Variants in MYO5A observed in about 807,000 individuals in gnomAD.
The protein encoded by MYO5A is unconventional myosin-Va.
MYO5A carries 98 observed loss-of-function variants against 249.7 expected under a neutral mutation model. That is an observed-to-expected ratio of 0.39 (90% CI 0.33 to 0.46). MYO5A has a LOEUF of 0.46. Ranked by LOEUF, MYO5A falls within the 20% of genes least tolerant of loss-of-function variation. MYO5A has a pLI of 0.98. For synonymous variants in MYO5A, 778 were observed against 810.6 expected (o/e 0.96, Z 0.68); for missense variants, 1,696 against 2,308.8 (o/e 0.73, Z 5.44).
At chr15:52,361,690 C>T (rs2040535553) in intron 24 of MYO5A, among the ~76,000 whole-genome samples, 1 of 152,228 alleles carries the variant, frequency 6.6e-6, no homozygotes, top group South Asian at 2.1e-4. Flanking sequence ...TTAACTTCTG[C>T]TGCTGTGATT....
At position 52,461,990 on chromosome 15, in the gene MYO5A, G is replaced by A. The variant is rs139243584; in HGVS notation, c.28-28705C>T. 2.1e-3 allele frequency among the ~76,000 whole-genome samples: 313 copies of A among 150,316 alleles called. 2 individuals are homozygous for A. The highest frequency in any genetic ancestry group is 7.3e-3 in the African/African-American group (300 of 40,820). On this transcript the variant is annotated intron_variant, in intron 1 of 41. Coordinates refer to ENST00000399233, the MANE Select transcript of MYO5A (RefSeq NM_001382347.1). Reference sequence around the variant, plus strand: ...AAAAAAAAAAAAGTTTGGGCCAGGCGCAGTGGCTCATGCCTGTAATCCCAG... The same window carrying A: ...AAAAAAAAAAAAGTTTGGGCCAGGCACAGTGGCTCATGCCTGTAATCCCAG...
Position 52,317,062 on chromosome 15 carries a change from A to C in MYO5A, c.5395T>G (p.Leu1799Val), listed in dbSNP as rs2140915549. Residue 1799 changes from leucine to valine, a missense_variant, in exon 40 of 42, where the codon TTA becomes GTA. By Grantham distance (32) the Leu-to-Val change is conservative. Coordinates refer to ENST00000399233, the MANE Select transcript of MYO5A (RefSeq NM_001382347.1). The part of the protein sequence containing the change: ...AEAICSMCNA[L>V]TTAQIVKVLN... ...AGTTGCTCTACCTGGGCAGTAGTTA[A>C]AGCATTGCACATAGAACAAATGGCT... 1 of 1,614,098 alleles carries C rather than the reference A, an allele frequency of 6.2e-7. No individual in the cohort carries two copies. The highest frequency in any genetic ancestry group is 1.3e-5 in the African/African-American group (1 of 75,058).
intron 1 of MYO5A, among the ~76,000 whole-genome samples, chr15:52,485,106 T>A (rs1046389722): frequency 6.6e-6 from 1 of 152,110 alleles, no homozygotes; most frequent in Non-Finnish European, 1.5e-5. Context: ...TACAGAACTT[T>A]CAATAGCTAG....
intron 1 of MYO5A, among the ~76,000 whole-genome samples, chr15:52,440,922 T>C (rs1204368637): frequency 6.6e-6 from 1 of 152,252 alleles, no homozygotes; most frequent in Non-Finnish European, 1.5e-5. Context: ...GAATCGGCCA[T>C]GGCTCACTTT....
chr15:52,405,817 A>C (rs2042979557), intron 8 of MYO5A, among the ~76,000 whole-genome samples: 1 of 152,262 alleles, frequency 6.6e-6, no homozygotes, highest in Non-Finnish European at 1.5e-5. Context: ...TGTTGTCATC[A>C]TTGTCACACA....
chr15:52,456,525 A>C (rs2076122863), intron 1 of MYO5A, among the ~76,000 whole-genome samples: 1 of 152,204 alleles, frequency 6.6e-6, no homozygotes, highest in Non-Finnish European at 1.5e-5. Context: ...CTGAGCAAAA[A>C]AAAACAAAGC....
chr15:52,471,608 C>CACACACACACAG (rs966508574), intron 1 of MYO5A, among the ~76,000 whole-genome samples: 2 of 151,452 alleles, frequency 1.3e-5, no homozygotes, highest in Non-Finnish European at 2.9e-5. Flanking sequence ...CACACACACA[C>CACACACACACAG]ACACACACAC....
chr15:52,472,803 T>C (rs1023682991), intron 1 of MYO5A, among the ~76,000 whole-genome samples: 34 of 152,246 alleles, frequency 2.2e-4, no homozygotes, highest in African/African-American at 7.2e-4. Context: ...TGTTGGACAT[T>C]TGGGTTGGTT....
rs549690391 is a variant in MYO5A at position 52,380,807 on chromosome 15, C to T, written c.2013-899G>A. 2.6e-5 allele frequency among the ~76,000 whole-genome samples: 4 copies of T among 152,202 alleles called. No individual in the cohort carries two copies. In the East Asian group the frequency reaches 7.7e-4, roughly 29 times the overall value. Reference sequence around the variant, plus strand: ...AACACAGCACTCCTTTGCACTTTGCCCATACTCATTTCATGGCATGGCCTG... The same window carrying T: ...AACACAGCACTCCTTTGCACTTTGCTCATACTCATTTCATGGCATGGCCTG... On this transcript the variant is annotated intron_variant, in intron 16 of 41. Coordinates refer to ENST00000399233, the MANE Select transcript of MYO5A (RefSeq NM_001382347.1).
intron 1 of MYO5A, among the ~76,000 whole-genome samples, chr15:52,518,117 T>A (rs2077532275): frequency 6.6e-6 from 1 of 151,990 alleles, no homozygotes; most frequent in African/African-American, 2.4e-5. Flanking sequence ...TTCTCCCCCA[T>A]CCCCACCATC....
At chr15:52,313,899 A>G in intron 41 of MYO5A, 51 bp from the exon 42 acceptor site, 6 of 1,603,418 alleles carry the variant, frequency 3.7e-6, no homozygotes, top group Non-Finnish European at 1.7e-6. Flanking sequence ...TTTGAATCTA[A>G]AAGACTTTTT....
intron 4 of MYO5A, among the ~76,000 whole-genome samples, chr15:52,425,355 T>G (rs577332192): frequency 3.3e-5 from 5 of 152,126 alleles, no homozygotes; most frequent in African/African-American, 1.2e-4. Context: ...GGGGTTTGTT[T>G]GTTTGTTTGT....
intron 1 of MYO5A, among the ~76,000 whole-genome samples, chr15:52,504,332 G>A (rs916178638): frequency 2.6e-5 from 4 of 152,086 alleles, no homozygotes; most frequent in Admixed American, 1.3e-4. Context: ...TTAAAATGCC[G>A]TAAGTACAGT....
chr15:52,320,398 CT>C (rs2038242779), intron 38 of MYO5A, among the ~76,000 whole-genome samples: 1 of 152,150 alleles, frequency 6.6e-6, no homozygotes, highest in African/African-American at 2.4e-5. Context: ...TAGATTGGGG[CT>C]TCTTTGAGGC....
intron 12 of MYO5A, among the ~76,000 whole-genome samples, chr15:52,390,048 C>T (rs1300275411): frequency 6.6e-6 from 1 of 152,144 alleles, no homozygotes; most frequent in African/African-American, 2.4e-5. Context: ...GAAAGACAAA[C>T]ATCACATGTT....
intron 1 of MYO5A, among the ~76,000 whole-genome samples, chr15:52,496,150 C>T (rs141284006): frequency 8.6e-5 from 13 of 151,810 alleles, no homozygotes; most frequent in Non-Finnish European, 1.8e-4. Flanking sequence ...CTGAGTTAAG[C>T]TAAGGCAGGC....
intron 1 of MYO5A, among the ~76,000 whole-genome samples, chr15:52,476,912 T>C (rs1043683438): frequency 6.6e-6 from 1 of 152,238 alleles, no homozygotes; most frequent in Non-Finnish European, 1.5e-5. Flanking sequence ...TGGTGTTCTC[T>C]GTATTTCCTG....
intron 25 of MYO5A, among the ~76,000 whole-genome samples, chr15:52,358,212 G>A (rs143165807): frequency 1.3e-3 from 205 of 152,224 alleles, no homozygotes; most frequent in Non-Finnish European, 2.2e-3. Context: ...ACTGGTTTCC[G>A]GCAAGCACAC....
chr15:52,321,240 C>G, intron 38 of MYO5A, 119 bp downstream of exon 38: 3 of 1,348,826 alleles, frequency 2.2e-6, no homozygotes, highest in Non-Finnish European at 3.2e-6. Context: ...AGCCCTGTAT[C>G]TTACTACTTT....
Sources: gnomAD v4.1 joint callset for allele counts (sites outside exome capture counted in the v4.1 genomes callset) on GRCh38, gnomAD v4.1.1 for gene constraint, MANE v1.5 for transcripts, NCBI Gene and HGNC (gene_info 2026-07-23, HGNC 2026-07-21) for gene names.